TOGARAM2: variants seen among roughly 807,000 people sequenced by gnomAD.
TOGARAM2 encodes TOG array regulator of axonemal microtubules 2.
In TOGARAM2, 85 loss-of-function variants were observed where a neutral mutation model predicts 93.3. The observed-to-expected ratio is 0.91, with a 90% CI of 0.76 to 1.09. The LOEUF is 1.09. TOGARAM2 is among the 50% of genes least tolerant of loss of function. The probability of loss-of-function intolerance (pLI) is 0.00; values close to 1 mark genes in which losing one functional copy is unlikely to be tolerated. For synonymous variants in TOGARAM2, 593 were observed against 552.8 expected (o/e 1.07, Z -1.02); for missense variants, 1,277 against 1,334.5 (o/e 0.96, Z 0.67).
chr2:28,994,943 A>G, intron 2 of TOGARAM2, 81 bp downstream of exon 2: 1 of 1,507,104 alleles, frequency 6.6e-7, no homozygotes, highest in Non-Finnish European at 9.0e-7. Flanking sequence ...GGGCCAGAAA[A>G]AGGGAGATGT....
At chr2:29,045,664 C>G in intron 19 of TOGARAM2, 1 of 478,180 alleles carries the variant, frequency 2.1e-6, no homozygotes, top group East Asian at 3.9e-5. Context: ...GGTTGAATCT[C>G]CCTAATCAGA....
upstream of TOGARAM2, among the ~76,000 whole-genome samples, chr2:28,981,092 C>G (rs1672165462): frequency 6.6e-6 from 1 of 152,214 alleles, no homozygotes; most frequent in South Asian, 2.1e-4. Flanking sequence ...CTATGCACTT[C>G]CTGGCTGCAG....
At chr2:29,011,524 T>A in intron 7 of TOGARAM2, 23 bp downstream of exon 7, 1 of 1,590,242 alleles carries the variant, frequency 6.3e-7, no homozygotes, top group Non-Finnish European at 8.5e-7. Flanking sequence ...CATGCACACC[T>A]CCCTTTGTTA....
chr2:29,018,444 C>G (rs1428813484), intron 10 of TOGARAM2: 1 of 153,700 alleles, frequency 6.5e-6, no homozygotes, highest in Non-Finnish European at 1.4e-5. Flanking sequence ...CGCTCTGTCC[C>G]CATTCTACCA....
chr2:29,052,157 A>T lies in TOGARAM2; in HGVS notation c.*64A>T. ...TTTTTGATGGACTATTCTCCTGGTTACTTTCCCCCTTAGAGTTCCAGATGT... is the reference window on the plus strand; with the variant it reads ...TTTTTGATGGACTATTCTCCTGGTTTCTTTCCCCCTTAGAGTTCCAGATGT... On this transcript the variant is annotated 3_prime_UTR_variant, in exon 20 of 20. Transcript: ENST00000379558. 7.6e-7 allele frequency: 1 copy of T among 1,321,282 alleles called. No individual in the cohort carries two copies. Among genetic ancestry groups the T allele is most frequent in the Admixed American group, 3.0e-5 (1 of 33,530 alleles). 81.8% of individuals were successfully genotyped at this position (1,321,282 alleles called of 1,614,324 possible).
In TOGARAM2 at chr2:29,017,965, G is replaced by A. The variant is rs770061403; in HGVS notation, c.1360+9G>A. ...TGCCCGCCACGCCTCAGGTGGGCAG[G>A]CCCGACTGGCAGGCACACGTGTCCC... On this transcript the variant is annotated intron_variant, in intron 10 of 19. Coordinates refer to ENST00000379558, the MANE Select transcript of TOGARAM2 (RefSeq NM_199280.4). The A allele has an allele frequency of 3.0e-5, 47 of 1,590,406 alleles. No individual in the cohort carries two copies. The highest frequency in any genetic ancestry group is 4.0e-5 in the Non-Finnish European group (47 of 1,166,978).
At chr2:28,997,161 T>C (rs7587493) in intron 2 of TOGARAM2, among the ~76,000 whole-genome samples, 60,915 of 152,070 alleles carry the variant, frequency 0.4, 14,088 homozygotes, top group Non-Finnish European at 0.53. Flanking sequence ...AAACAGTCAA[T>C]AGAGTGAAGA....
At chr2:29,028,412 A>G (rs147863841) in intron 14 of TOGARAM2, among the ~76,000 whole-genome samples, 1 of 152,140 alleles carries the variant, frequency 6.6e-6, no homozygotes, top group Admixed American at 6.5e-5. Context: ...GGTCAGATGC[A>G]TGTGTGTGCT....
Position 29,003,539 on chromosome 2 carries a change from G to A in TOGARAM2, c.687G>A (p.Gln229=), listed in dbSNP as rs1011610351. 6.3e-6 allele frequency: 10 copies of A among 1,591,352 alleles called. No homozygotes were observed. The highest frequency in any genetic ancestry group is 8.5e-6 in the Non-Finnish European group (10 of 1,169,744). Reference sequence around the variant, plus strand: ...TGCACTGCAATGATGAGAAGATGCAGAAGTCCCTGGGCGCCATCGTGATCC... The same window carrying A: ...TGCACTGCAATGATGAGAAGATGCAAAAGTCCCTGGGCGCCATCGTGATCC... ...QYLHCNDEKM[Q]KSLGAIVIPP... is the part of the protein sequence containing the mutation. Residue 229 remains glutamine, a synonymous_variant, in exon 6 of 20, where the codon CAG becomes CAA. Coordinates refer to ENST00000379558, the MANE Select transcript of TOGARAM2 (RefSeq NM_199280.4).
At chr2:28,973,453 T>TCCTTCCTTCCTTCCTTCCTG (rs143947941) in intron 1 of TOGARAM2, among the ~76,000 whole-genome samples, 251 of 93,930 alleles carry the variant, frequency 2.7e-3, no homozygotes, top group Admixed American at 3.3e-3. Flanking sequence ...CTTCCTTCCT[T>TCCTTCCTTCCTTCCTTCCTG]CCTTCCTTCC....
At chr2:29,002,935 C>T (rs943933387) in intron 5 of TOGARAM2, among the ~76,000 whole-genome samples, 188 bp downstream of exon 5, 12 of 152,210 alleles carry the variant, frequency 7.9e-5, no homozygotes, top group South Asian at 2.1e-4. Flanking sequence ...CCACCTCCCC[C>T]AGCATCTCAA....
intron 3 of TOGARAM2, among the ~76,000 whole-genome samples, chr2:28,998,540 C>A (rs1043126052): frequency 6.6e-6 from 1 of 152,126 alleles, no homozygotes; most frequent in African/African-American, 2.4e-5. Context: ...GGGGAGGGGG[C>A]CCCTCTCAAG....
intron 4 of TOGARAM2, among the ~76,000 whole-genome samples, chr2:29,001,167 G>A (rs1457604995): frequency 6.6e-6 from 1 of 151,950 alleles, no homozygotes; most frequent in Admixed American, 6.6e-5. Context: ...AAGGTGGCCC[G>A]GCAAGTGGCA....
chr2:28,979,706 A>G (rs1434469571), upstream of TOGARAM2, among the ~76,000 whole-genome samples: 1 of 152,162 alleles, frequency 6.6e-6, no homozygotes, highest in Non-Finnish European at 1.5e-5. Flanking sequence ...AGAGCCCAGG[A>G]GCTGAAGGAG....
At position 29,041,270 on chromosome 2, in the gene TOGARAM2, C is replaced by T. The variant is rs938088969; in HGVS notation, c.2636-4054C>T. On this transcript the variant is annotated intron_variant, in intron 18 of 19. Coordinates refer to ENST00000379558, the MANE Select transcript of TOGARAM2 (RefSeq NM_199280.4). ...AACTCCTGACCTCAGGTGATCTGCT[C>T]ACCTCGGCCTCCCAAAGTGCTGGGA... Among the ~76,000 whole-genome samples the T allele has an allele frequency of 1.3e-5, 2 of 152,262 alleles. 1 individual carries two copies. Among genetic ancestry groups the T allele is most frequent in the Admixed American group, 1.3e-4 (2 of 15,288 alleles).
At chr2:29,028,093 T>G (rs1479396494) in intron 14 of TOGARAM2, among the ~76,000 whole-genome samples, 1 of 152,178 alleles carries the variant, frequency 6.6e-6, no homozygotes, top group Non-Finnish European at 1.5e-5. Flanking sequence ...CTTCAAAAGC[T>G]AGGGCTGGAG....
intron 12 of TOGARAM2, 31 bp from the exon 13 acceptor site, chr2:29,024,108 C>A: frequency 6.5e-7 from 1 of 1,537,984 alleles, no homozygotes; most frequent in Non-Finnish European, 8.8e-7. Flanking sequence ...CAGGGTCCAG[C>A]ACCCTGGAGG....
upstream of TOGARAM2, among the ~76,000 whole-genome samples, chr2:28,980,327 G>A (rs1053674275): frequency 5.3e-5 from 8 of 152,248 alleles, no homozygotes; most frequent in Non-Finnish European, 1.2e-4. Context: ...CCAGGAAGGA[G>A]CTACCCCGTG....
At chr2:29,010,732 G>A (rs1315219760) in intron 6 of TOGARAM2, among the ~76,000 whole-genome samples, 1 of 152,050 alleles carries the variant, frequency 6.6e-6, no homozygotes, top group Non-Finnish European at 1.5e-5. Context: ...CCCGGAGGGC[G>A]GGGAGTGTCA....
Sources: gnomAD v4.1 joint callset for allele counts (sites outside exome capture counted in the v4.1 genomes callset) on GRCh38, gnomAD v4.1.1 for gene constraint, MANE v1.5 for transcripts, NCBI Gene and HGNC (gene_info 2026-07-23, HGNC 2026-07-21) for gene names.